NCAPD3: variants seen among roughly 807,000 people sequenced by gnomAD.
The protein encoded by NCAPD3 is non-SMC condensin II complex subunit D3, also known as condensin-2 complex subunit D3.
In NCAPD3, 105 loss-of-function variants were observed where a neutral mutation model predicts 182.9. The ratio of observed to expected loss-of-function variants is 0.57; its 90% CI spans 0.49 to 0.68. NCAPD3 has a LOEUF of 0.68. Among genes scored for constraint, NCAPD3 ranks in the 30% least tolerant of loss-of-function variants. The pLI is 0.00. For missense variants in NCAPD3, 1,944 were observed against 1,837.0 expected, an observed-to-expected ratio of 1.06 and a Z score of -1.07; for synonymous variants, 815 against 679.9, an observed-to-expected ratio of 1.20 and a Z score of -3.09.
chr11:134,217,198 G>A, intron 2 of NCAPD3, 100 bp from the exon 3 acceptor site: 1 of 1,121,816 alleles, frequency 8.9e-7, no homozygotes, highest in Non-Finnish European at 1.2e-6. Context: ...ACAAAAAGAG[G>A]AATAGAGTAG....
intron 32 of NCAPD3, among the ~76,000 whole-genome samples, chr11:134,156,558 T>A (rs567778307): frequency 3.3e-5 from 5 of 152,296 alleles, no homozygotes; most frequent in Admixed American, 3.3e-4. Context: ...TGGAGGGGAA[T>A]GAGACACAGG....
In NCAPD3 at chr11:134,208,131, G is replaced by A. The variant is rs941204362; in HGVS notation, c.882+733C>T. Among the ~76,000 whole-genome samples, 29 of 152,096 alleles carry A rather than the reference G, an allele frequency of 1.9e-4. 1 individual carries two copies. The highest frequency in any genetic ancestry group is 8.5e-4 in the Admixed American group (13 of 15,282). On this transcript the variant is annotated intron_variant, in intron 7 of 34. Transcript: ENST00000534548. ...AGTCAGAAAGCAAACACAGATGTGC[G>A]GAACCCCCCAAGCATCCCCAAAAAT...
rs2120421677 is a variant in NCAPD3, at chr11:134,151,005, G to A, written c.*1939C>T. Reference sequence around the variant, plus strand: ...GGGACATTAGCAACATCACTCAGAAGCCTGTGTTCTTCAAGAGCAGGTGTT... The same window carrying A: ...GGGACATTAGCAACATCACTCAGAAACCTGTGTTCTTCAAGAGCAGGTGTT... On this transcript the variant is annotated 3_prime_UTR_variant, in exon 35 of 35. Transcript: ENST00000534548. 6.6e-6 allele frequency: 1 copy of A among 152,338 alleles called. No homozygotes were observed. The highest frequency in any genetic ancestry group is 2.1e-4 in the South Asian group (1 of 4,830). The allele number at this position is 152,338 out of a possible 1,614,324, so 9.4% of individuals were successfully genotyped here. A position where few individuals can be genotyped will look rare whatever the true frequency, so the allele number is the denominator to read the frequency against.
intron 8 of NCAPD3, 54 bp from the exon 9 acceptor site, chr11:134,205,025 C>A (rs918164816): frequency 7.1e-5 from 94 of 1,316,982 alleles, no homozygotes; most frequent in Non-Finnish European, 9.9e-5. Context: ...CGACTGTCCC[C>A]AAAAACCACT....
rs77126860 is a variant in NCAPD3 at position 134,218,780 on chromosome 11, G to T, written c.220-1682C>A. On this transcript the variant is annotated intron_variant, in intron 2 of 34. Coordinates refer to ENST00000534548, the MANE Select transcript of NCAPD3 (RefSeq NM_015261.3). Reference sequence around the variant, plus strand: ...GTCTTCCTTTCCAGTTCCCAAAATTGTAACTCCGGATCATGCCATTATTAC... The same window carrying T: ...GTCTTCCTTTCCAGTTCCCAAAATTTTAACTCCGGATCATGCCATTATTAC... Among the ~76,000 whole-genome samples, 635 of 152,092 alleles carry T rather than the reference G, an allele frequency of 4.2e-3. 4 individuals carry two copies. Among genetic ancestry groups the T allele is most frequent in the African/African-American group, 0.015 (608 of 41,502 alleles).
In NCAPD3 at chr11:134,168,055, C is replaced by T. The variant is rs1943909237; in HGVS notation, c.3514G>A (p.Asp1172Asn). 3.1e-6 allele frequency: 5 copies of T among 1,614,058 alleles called. No homozygotes were observed. The highest frequency in any genetic ancestry group is 4.2e-6 in the Non-Finnish European group (5 of 1,179,908). The change falls in exon 27 of 35, where the codon GAT becomes AAT. Residue 1172 changes from aspartate (D) to asparagine (N), a missense_variant. Asp to Asn is a conservative substitution (Grantham distance 23). Around this residue, in one of 3 missense-constraint regions of NCAPD3, gnomAD observed 1,803 missense variants for 1,674.6 expected, o/e 1.08. Coordinates refer to ENST00000534548, the MANE Select transcript of NCAPD3 (RefSeq NM_015261.3). ...ACTACATTTGCCAAGGCCATGTCATCTTCTTCCATAAGGAGGTCTTTGTCT... is the reference window on the plus strand; with the variant it reads ...ACTACATTTGCCAAGGCCATGTCATTTTCTTCCATAAGGAGGTCTTTGTCT... ...KPDKDLLMEE[D>N]DMALANVVMQ...
Position 134,154,531 on chromosome 11 carries a change from CGGGTGGTGCAGCCTCACCCCTCCT to C in NCAPD3, c.4253-1192_4253-1169del, listed in dbSNP as rs1428759336. Among the ~76,000 whole-genome samples the C allele has an allele frequency of 1.8e-3, 212 of 118,920 alleles. 6 individuals are homozygous for C. Among genetic ancestry groups the C allele is most frequent in the Middle Eastern group, 4.8e-3 (1 of 208 alleles). The allele number at this position is 118,920 out of a possible 152,430, so 78.0% of individuals were successfully genotyped here. A position where few individuals can be genotyped will look rare whatever the true frequency, so the allele number is the denominator to read the frequency against. On this transcript the variant is annotated intron_variant, in intron 32 of 34. Coordinates refer to ENST00000534548, the MANE Select transcript of NCAPD3 (RefSeq NM_015261.3). ...CACATGCCACCCTGTCTTGGAGGCCCGGGTGGTGCAGCCTCACCCCTCCTGGGTGGTGCAGCCTCGCCCCTCCTG... is the reference window on the plus strand; with the variant it reads ...CACATGCCACCCTGTCTTGGAGGCCCGGGTGGTGCAGCCTCGCCCCTCCTG...
chr11:134,165,870 C>A (rs1368675274), intron 27 of NCAPD3, among the ~76,000 whole-genome samples: 1 of 137,722 alleles, frequency 7.3e-6, no homozygotes, highest in Non-Finnish European at 1.6e-5. Flanking sequence ...GAGCTGCACA[C>A]TCACTAGTGA....
Position 134,168,771 on chromosome 11 carries a change from T to C in NCAPD3, c.3239+146A>G, listed in dbSNP as rs1943933619. 3 of 1,365,244 alleles carry C rather than the reference T, an allele frequency of 2.2e-6. No individual in the cohort carries two copies. In the African/African-American group the frequency reaches 4.4e-5, roughly 20 times the overall value. 84.6% of individuals were successfully genotyped at this position (1,365,244 alleles called of 1,614,324 possible). On this transcript the variant is annotated intron_variant, in intron 25 of 34. Transcript: ENST00000534548. ...CCTTAGGAAGCGATTCTCACGACTG[T>C]ATTTTCTTACGCCATCCTGCCAAGC...
chr11:134,165,497 GAT>G (rs1396123673), intron 27 of NCAPD3, among the ~76,000 whole-genome samples: 130 of 146,620 alleles, frequency 8.9e-4, no homozygotes, highest in African/African-American at 3.1e-3. Flanking sequence ...ACACTTGTGA[GAT>G]GAGCTTACGG....
At chr11:134,170,022 G>A (rs552728724) in intron 24 of NCAPD3, among the ~76,000 whole-genome samples, 56 of 152,338 alleles carry the variant, frequency 3.7e-4, no homozygotes, top group Non-Finnish European at 6.8e-4. Flanking sequence ...CTGTGTAGGA[G>A]ACTGACTTCT....
chr11:134,198,298 T>A (rs1944679067), intron 13 of NCAPD3, among the ~76,000 whole-genome samples: 3 of 152,180 alleles, frequency 2.0e-5, no homozygotes, highest in Admixed American at 1.3e-4. Context: ...ACCCAGACAT[T>A]CCTTCCTATT....
chr11:134,172,638 G>A (rs991122851), intron 24 of NCAPD3, among the ~76,000 whole-genome samples: 1 of 152,174 alleles, frequency 6.6e-6, no homozygotes, highest in African/African-American at 2.4e-5. Flanking sequence ...AATCTGCTTA[G>A]TACTTGGCTG....
At chr11:134,220,039 C>T (rs1426392565) in intron 2 of NCAPD3, among the ~76,000 whole-genome samples, 3 of 152,106 alleles carry the variant, frequency 2.0e-5, no homozygotes, top group Non-Finnish European at 4.4e-5. Context: ...CGTGATCCAC[C>T]CACCTCGGCC....
chr11:134,211,032 A>G (rs1184066559), intron 3 of NCAPD3, among the ~76,000 whole-genome samples: 1 of 152,234 alleles, frequency 6.6e-6, no homozygotes, highest in Non-Finnish European at 1.5e-5. Flanking sequence ...GACAGAGAGC[A>G]AAGAAGTATT....
chr11:134,183,216 G>GT, intron 19 of NCAPD3: 1 of 454,784 alleles, frequency 2.2e-6, no homozygotes, highest in Non-Finnish European at 4.4e-6. Flanking sequence ...TCTGCCGGTA[G>GT]TAAGTTGTGT....
In NCAPD3 at chr11:134,206,697, T is replaced by C. The variant is rs1249060640; in HGVS notation, c.918A>G (p.Val306=). The C allele has an allele frequency of 6.2e-7, 1 of 1,611,214 alleles. No homozygotes were observed. The highest frequency in any genetic ancestry group is 8.5e-7 in the Non-Finnish European group (1 of 1,178,882). Residue 306 remains valine, a synonymous_variant, in exon 8 of 35, where the codon GTA becomes GTG. Transcript: ENST00000534548. Reference sequence around the variant, plus strand: ...CTTCACCAACTTCTAACATTAATATTACACTGAGCATTTGATGGAAAACAC... The same window carrying C: ...CTTCACCAACTTCTAACATTAATATCACACTGAGCATTTGATGGAAAACAC... The part of the protein sequence containing the change: ...ISCVFHQMLS[V]ILMLEVGEGS...
At chr11:134,156,868 CTG>C (rs748785024) in intron 32 of NCAPD3, 148 bp downstream of exon 32, 19 of 666,396 alleles carry the variant, frequency 2.9e-5, no homozygotes, top group Admixed American at 7.9e-5. Context: ...ACCGTGGTCA[CTG>C]TGAAATACTC....
At chr11:134,161,301 C>T (rs1372987661) in intron 28 of NCAPD3, among the ~76,000 whole-genome samples, 2 of 152,220 alleles carry the variant, frequency 1.3e-5, no homozygotes, top group African/African-American at 4.8e-5. Context: ...GACTGAGCTC[C>T]TCATGGTCCC....
Sources: gnomAD v4.1 joint callset for allele counts (sites outside exome capture counted in the v4.1 genomes callset) on GRCh38, gnomAD v4.1.1 for gene constraint, gnomAD v4.1.1 regional missense constraint, MANE v1.5 for transcripts, NCBI Gene and HGNC (gene_info 2026-07-23, HGNC 2026-07-21) for gene names.